ALOXE3: variants seen among roughly 807,000 people sequenced by gnomAD.
ALOXE3 encodes the protein hydroperoxide isomerase ALOXE3.
In ALOXE3, 78 loss-of-function variants were observed where a neutral mutation model predicts 87.5. The ratio of observed to expected loss-of-function variants is 0.89; its 90% CI spans 0.74 to 1.08. The LOEUF is 1.08. ALOXE3 is among the 50% of genes least tolerant of loss of function. ALOXE3 has a pLI of 0.00. For missense variants in ALOXE3, 946 were observed against 912.4 expected, an observed-to-expected ratio of 1.04 and a Z score of -0.47; for synonymous variants, 363 against 370.8, an observed-to-expected ratio of 0.98 and a Z score of 0.24.
At chr17:8,112,063 G>A in intron 7 of ALOXE3, 30 bp downstream of exon 7, 1 of 1,573,014 alleles carries the variant, frequency 6.4e-7, no homozygotes, top group Non-Finnish European at 8.8e-7. Context: ...TAAGGTGAGG[G>A]GTAGACATCT....
In ALOXE3 at chr17:8,103,416, G is replaced by C; in HGVS notation, c.1863C>G (p.Thr621=). The change falls in exon 15 of 16, where the codon ACC becomes ACG. Residue 621 remains threonine, a synonymous_variant. Coordinates refer to ENST00000448843, the MANE Select transcript of ALOXE3 (RefSeq NM_021628.3). ...GGAGGGTGTCTAGGTAAGTCTTCAGGGTGGTGGTCCCCTTGGTCTGGGGTG... is the reference window on the plus strand; with the variant it reads ...GGAGGGTGTCTAGGTAAGTCTTCAGCGTGGTGGTCCCCTTGGTCTGGGGTG... ...QPPPQTKGTT[T]LKTYLDTLPE... The C allele has an allele frequency of 6.2e-7, 1 of 1,614,146 alleles. No homozygotes were observed. Among genetic ancestry groups the C allele is most frequent in the Non-Finnish European group, 8.5e-7 (1 of 1,180,020 alleles).
At chr17:8,103,995 A>G (rs1202526351) in intron 14 of ALOXE3, 120 bp downstream of exon 14, 2 of 853,480 alleles carry the variant, frequency 2.3e-6, no homozygotes, top group African/African-American at 3.3e-5. Context: ...TGCCACTCCA[A>G]CCCCAAGTCT....
intron 15 of ALOXE3, among the ~76,000 whole-genome samples, chr17:8,101,803 T>A (rs113363150): frequency 1.3e-5 from 2 of 151,926 alleles, no homozygotes; most frequent in South Asian, 2.1e-4. Flanking sequence ...ATACGCCCGA[T>A]TAATTTTTGT....
Position 8,114,992 on chromosome 17 carries a change from GACT to G in ALOXE3, c.497_499del (p.Glu166_Ser167delinsAla). 6.2e-7 allele frequency: 1 copy of G among 1,614,154 alleles called. No individual in the cohort carries two copies. The highest frequency in any genetic ancestry group is 2.2e-5 in the East Asian group (1 of 44,890). On this transcript the variant is annotated inframe_deletion, in exon 5 of 16. Transcript: ENST00000448843. ...CTTTGTCAAGGCAAATTTCTTGTCT[GACT>G]CCATCTCCTGAAAGCTGTTGACGTC...
intron 3 of ALOXE3, among the ~76,000 whole-genome samples, chr17:8,115,987 C>G (rs1980554476): frequency 6.6e-6 from 1 of 152,236 alleles, no homozygotes; most frequent in African/African-American, 2.4e-5. Flanking sequence ...CTTCTGTATT[C>G]CCGGCTTCTA....
chr17:8,106,987 CT>C (rs1189675173), intron 13 of ALOXE3, among the ~76,000 whole-genome samples: 2 of 152,154 alleles, frequency 1.3e-5, no homozygotes, highest in Non-Finnish European at 2.9e-5. Flanking sequence ...TAGGTTTATA[CT>C]TGTTGGAAGA....
Position 8,107,827 on chromosome 17 carries a change from AAG to A in ALOXE3, c.1684+639_1684+640del, listed in dbSNP as rs758209025. On this transcript the variant is annotated intron_variant, in intron 13 of 15. Transcript: ENST00000448843. The stretch of plus-strand genomic sequence containing the variant: ...AAAAAAAACAAGAAAGAAAGAAAGA[AAG>A]AAAGAAAGAAAGAAAGAAAGAAAGA... Among the ~76,000 whole-genome samples the A allele has an allele frequency of 2.2e-3, 5 of 2,232 alleles. 1 individual carries two copies. In the East Asian group the frequency reaches 0.027, roughly 12 times the overall value. 1.5% of individuals were successfully genotyped at this position (2,232 alleles called of 152,430 possible).
intron 15 of ALOXE3, among the ~76,000 whole-genome samples, chr17:8,099,130 T>A (rs1349679456): frequency 1.3e-5 from 2 of 150,528 alleles, no homozygotes; most frequent in African/African-American, 4.9e-5. Flanking sequence ...AGTGCTGGGA[T>A]TACAGGCATG....
At chr17:8,104,044 T>C in intron 14 of ALOXE3, 71 bp downstream of exon 14, 3 of 1,400,116 alleles carry the variant, frequency 2.1e-6, no homozygotes, top group Middle Eastern at 1.8e-4. Context: ...ACCCAAGCTC[T>C]CAACCCAAAT....
chr17:8,114,760 A>C, intron 5 of ALOXE3, 151 bp from the exon 6 acceptor site: 1 of 1,467,166 alleles, frequency 6.8e-7, no homozygotes, highest in Non-Finnish European at 9.4e-7. Flanking sequence ...AGCTAAAATA[A>C]CCTCCTCACT....
At chr17:8,115,405 T>C (rs1424884811) in intron 4 of ALOXE3, among the ~76,000 whole-genome samples, 3 of 152,176 alleles carry the variant, frequency 2.0e-5, no homozygotes, top group Admixed American at 2.0e-4. Flanking sequence ...TATGGATTCA[T>C]TGGTGGTGTT....
chr17:8,101,248 G>A (rs191445380), intron 15 of ALOXE3, among the ~76,000 whole-genome samples: 118 of 152,112 alleles, frequency 7.8e-4, no homozygotes, highest in African/African-American at 2.8e-3. Flanking sequence ...GGCTGATCTC[G>A]AACTCCTGAC....
chr17:8,111,296 T>C, intron 8 of ALOXE3, 63 bp downstream of exon 8: 4 of 1,595,422 alleles, frequency 2.5e-6, no homozygotes, highest in Non-Finnish European at 3.4e-6. Context: ...ACACATCCCT[T>C]GTCCATAATG....
chr17:8,105,430 G>A (rs1010633201), intron 13 of ALOXE3, among the ~76,000 whole-genome samples: 3 of 152,146 alleles, frequency 2.0e-5, no homozygotes, highest in African/African-American at 7.2e-5. Flanking sequence ...TTGACACACT[G>A]TATCCCCTGA....
intron 8 of ALOXE3, 149 bp from the exon 9 acceptor site, chr17:8,110,677 G>C (rs1177093635): frequency 4.2e-5 from 49 of 1,163,438 alleles, no homozygotes; most frequent in Non-Finnish European, 4.7e-5. Flanking sequence ...GGCCAAAGTG[G>C]GGTACCCCGC....
rs565773989 is a variant in ALOXE3 at position 8,099,504 on chromosome 17, G to A, written c.1957-2698C>T. Among the ~76,000 whole-genome samples, 592 of 151,838 alleles carry A rather than the reference G, an allele frequency of 3.9e-3. 3 individuals are homozygous for A. Among genetic ancestry groups the A allele is most frequent in the Middle Eastern group, 6.8e-3 (2 of 294 alleles). ...TGGAGAAACCCCATCTCTACTAAAA[G>A]TACAAAATTAGCCAGGTGTGATGGT... On this transcript the variant is annotated intron_variant, in intron 15 of 15. Coordinates refer to ENST00000448843, the MANE Select transcript of ALOXE3 (RefSeq NM_021628.3).
chr17:8,109,127 G>A, intron 12 of ALOXE3, 47 bp downstream of exon 12: 1 of 1,607,048 alleles, frequency 6.2e-7, no homozygotes, highest in Non-Finnish European at 8.5e-7. Context: ...AATGTCCCAG[G>A]CCAGGAGACC....
At chr17:8,105,988 G>A (rs1476952448) in intron 13 of ALOXE3, among the ~76,000 whole-genome samples, 2 of 151,586 alleles carry the variant, frequency 1.3e-5, no homozygotes, top group Admixed American at 6.6e-5. Context: ...ACAGGGAGGG[G>A]ACCTAATTGG....
chr17:8,110,568 C>T (rs1259594764), intron 8 of ALOXE3, 40 bp from the exon 9 acceptor site: 1 of 1,612,788 alleles, frequency 6.2e-7, no homozygotes, highest in Non-Finnish European at 8.5e-7. Flanking sequence ...CCTCCCTACT[C>T]GCGCTCCACT....
Sources: gnomAD v4.1 joint callset for allele counts (sites outside exome capture counted in the v4.1 genomes callset) on GRCh38, gnomAD v4.1.1 for gene constraint, MANE v1.5 for transcripts, NCBI Gene and HGNC (gene_info 2026-07-23, HGNC 2026-07-21) for gene names.